The following KCNQ5 variants were observed in gnomAD, a reference collection of about 807,000 sequenced individuals.
KCNQ5 encodes potassium voltage-gated channel subfamily Q member 5, also known as potassium voltage-gated channel subfamily KQT member 5.
A neutral mutation model predicts 98.2 loss-of-function variants in KCNQ5; 30 were observed. The ratio of observed to expected loss-of-function variants is 0.31; its 90% confidence interval spans 0.23 to 0.41. KCNQ5 has a LOEUF of 0.41. KCNQ5 is among the 10% of genes least tolerant of loss of function. The probability of loss-of-function intolerance (pLI) is 1.00; values close to 1 mark genes in which losing one functional copy is unlikely to be tolerated. For missense variants in KCNQ5, 835 were observed against 1,182.5 expected (o/e 0.71, Z 4.31); for synonymous variants, 458 against 449.4 (o/e 1.02, Z -0.24).
rs557699486 is a variant in KCNQ5, at chr6:72,645,054, G to A, written c.398+22467G>A. 4.6e-5 allele frequency among the ~76,000 whole-genome samples: 7 copies of A among 151,988 alleles called. No homozygotes were observed. In the East Asian group the frequency reaches 1.2e-3, roughly 25 times the overall value. On this transcript the variant is annotated intron_variant, in intron 1 of 13. Transcript: ENST00000370398. ...CATGCTGGGATGGCCTGGACTTTGG[G>A]TACCTTTTGTCTGTCAAATACTCTT...
chr6:73,169,419 A>G (rs1777923417), intron 10 of KCNQ5, among the ~76,000 whole-genome samples: 1 of 152,242 alleles, frequency 6.6e-6, no homozygotes, highest in Admixed American at 6.5e-5. Context: ...GCTGTCACTT[A>G]AAAGCTGGCT....
At chr6:73,038,585 T>C (rs891755930) in intron 2 of KCNQ5, among the ~76,000 whole-genome samples, 1 of 152,076 alleles carries the variant, frequency 6.6e-6, no homozygotes, top group Non-Finnish European at 1.5e-5. Context: ...TAAATGGGTG[T>C]TGGATTTTGT....
chr6:72,705,673 T>C (rs978756041), intron 1 of KCNQ5, among the ~76,000 whole-genome samples: 1 of 151,978 alleles, frequency 6.6e-6, no homozygotes, highest in African/African-American at 2.4e-5. Flanking sequence ...TCTTCCCCTG[T>C]AGGATTTTGT....
intron 5 of KCNQ5, among the ~76,000 whole-genome samples, chr6:73,090,440 T>G (rs1774195429): frequency 1.3e-5 from 2 of 152,330 alleles, no homozygotes; most frequent in Middle Eastern, 6.8e-3. Flanking sequence ...TTATCTTTGT[T>G]TTTATTGCAT....
At position 72,782,242 on chromosome 6, in the gene KCNQ5, C is replaced by A. The variant is rs577503243; in HGVS notation, c.398+159655C>A. Among the ~76,000 whole-genome samples, 9 of 150,048 alleles carry A rather than the reference C, an allele frequency of 6.0e-5. No individual in the cohort carries two copies. In the South Asian group the frequency reaches 1.7e-3, roughly 28 times the overall value. On this transcript the variant is annotated intron_variant, in intron 1 of 13. Transcript: ENST00000370398. ...TCAGTCACAGAGACAATCTTATGCA[C>A]CCTCTCTCTCTCTCTCTCTCTCTCC...
At chr6:73,115,879 T>C (rs1396805761) in intron 7 of KCNQ5, among the ~76,000 whole-genome samples, 2 of 151,936 alleles carry the variant, frequency 1.3e-5, no homozygotes, top group Non-Finnish European at 2.9e-5. Flanking sequence ...TCTATGATAA[T>C]AGGGAAGGGA....
At chr6:72,780,974 C>A (rs569269314) in intron 1 of KCNQ5, among the ~76,000 whole-genome samples, 5 of 152,226 alleles carry the variant, frequency 3.3e-5, no homozygotes, top group South Asian at 2.1e-4. Context: ...TCATAGTTTT[C>A]TTGTTTATAT....
chr6:73,033,719 C>T (rs1771256998), intron 2 of KCNQ5, among the ~76,000 whole-genome samples: 1 of 152,006 alleles, frequency 6.6e-6, no homozygotes, highest in African/African-American at 2.4e-5. Context: ...TTCTATGACC[C>T]CCTTCCCCCC....
intron 1 of KCNQ5, among the ~76,000 whole-genome samples, chr6:72,853,266 G>C (rs2150144636): frequency 1.3e-5 from 2 of 152,210 alleles, no homozygotes; most frequent in Middle Eastern, 6.8e-3. Context: ...AAAGTGCTTT[G>C]AGATTTTGTG....
At chr6:72,635,635 C>A (rs116614440) in intron 1 of KCNQ5, among the ~76,000 whole-genome samples, 1,493 of 114,830 alleles carry the variant, frequency 0.013, 21 homozygotes, top group African/African-American at 0.047. Context: ...TCCCCTTGGT[C>A]TTATTGTATT....
Position 72,622,109 on chromosome 6 carries a change from C to G in KCNQ5, c.-81C>G. On this transcript the variant is annotated 5_prime_UTR_variant, in exon 1 of 14. Coordinates refer to ENST00000370398, the MANE Select transcript of KCNQ5 (RefSeq NM_019842.4). This position sits in a 1 kb window ranked among gnomAD's most constrained non-coding sequence, Gnocchi z 6.0. Reference sequence around the variant, plus strand: ...CGCCCCGTCGGCCGCCGGCTTCCTCCTTGAAACCCGCCGGCGCACATGAGG... The same window carrying G: ...CGCCCCGTCGGCCGCCGGCTTCCTCGTTGAAACCCGCCGGCGCACATGAGG... 8.5e-7 allele frequency: 1 copy of G among 1,181,992 alleles called. No homozygotes were observed. 73.2% of individuals were successfully genotyped at this position (1,181,992 alleles called of 1,614,324 possible). A position where few individuals can be genotyped will look rare whatever the true frequency, so the allele number is the denominator to read the frequency against.
chr6:72,938,507 G>C (rs568444055), intron 1 of KCNQ5, among the ~76,000 whole-genome samples: 1 of 152,006 alleles, frequency 6.6e-6, no homozygotes. Context: ...AGCCTCCCAA[G>C]TAGCTGAGAC....
chr6:72,697,448 C>T (rs1259318938), intron 1 of KCNQ5, among the ~76,000 whole-genome samples: 1 of 152,040 alleles, frequency 6.6e-6, no homozygotes. Flanking sequence ...AGATTTATTC[C>T]TAGATTTAAA....
At chr6:73,134,262 A>G in intron 10 of KCNQ5, 1 of 168,446 alleles carries the variant, frequency 5.9e-6, no homozygotes, top group Non-Finnish European at 1.3e-5. Flanking sequence ...TCACTTGCCA[A>G]CACATTTTAT....
intron 10 of KCNQ5, chr6:73,157,408 G>A: frequency 1.7e-6 from 1 of 599,350 alleles, no homozygotes. Context: ...GGGGGCAGCG[G>A]CAGCTCTGCA....
intron 1 of KCNQ5, among the ~76,000 whole-genome samples, chr6:72,731,738 A>C (rs1770566060): frequency 6.6e-6 from 1 of 152,264 alleles, no homozygotes; most frequent in Non-Finnish European, 1.5e-5. Flanking sequence ...TAAGTGTACA[A>C]GAGGTTGCTC....
At chr6:73,001,363 C>T (rs1173199883) in intron 1 of KCNQ5, among the ~76,000 whole-genome samples, 3 of 152,192 alleles carry the variant, frequency 2.0e-5, no homozygotes, top group African/African-American at 7.2e-5. Context: ...TATTTCAACA[C>T]AATTGAAAAC....
At chr6:72,785,152 C>T (rs953468849) in intron 1 of KCNQ5, among the ~76,000 whole-genome samples, 5 of 152,052 alleles carry the variant, frequency 3.3e-5, no homozygotes, top group South Asian at 2.1e-4. Flanking sequence ...TCGTTGAAGA[C>T]AAACAGAAAA....
At chr6:73,113,774 C>T (rs1775360972) in intron 7 of KCNQ5, among the ~76,000 whole-genome samples, 1 of 152,252 alleles carries the variant, frequency 6.6e-6, no homozygotes, top group South Asian at 2.1e-4. Context: ...ACAGGTAACC[C>T]TGTGGAGGAC....
Sources: gnomAD v4.1 joint callset for allele counts (sites outside exome capture counted in the v4.1 genomes callset) on GRCh38, gnomAD v4.1.1 for gene constraint, Gnocchi (gnomAD v3.1) non-coding constraint, MANE v1.5 for transcripts, NCBI Gene and HGNC (gene_info 2026-07-23, HGNC 2026-07-21) for gene names.